Variants in HEMK2 observed in about 807,000 individuals in gnomAD.
HEMK2 encodes HemK methyltransferase 2, ETF1 glutamine and histone H4 lysine.
the HEMK2 span, among the ~76,000 whole-genome samples, chr21:28,824,061 A>C: frequency 6.6e-6 from 1 of 152,182 alleles, no homozygotes; most frequent in East Asian, 1.9e-4. Context: ...TTTGAGAACT[A>C]TTCTAGACTC....
the HEMK2 span, among the ~76,000 whole-genome samples, chr21:28,722,307 T>C: frequency 6.6e-6 from 1 of 152,110 alleles, no homozygotes; most frequent in Non-Finnish European, 1.5e-5. Context: ...AGAGATAGCA[T>C]ACAGTGAAGT....
the HEMK2 span, among the ~76,000 whole-genome samples, chr21:28,803,721 T>A: frequency 6.6e-6 from 1 of 152,236 alleles, no homozygotes; most frequent in Non-Finnish European, 1.5e-5. Flanking sequence ...TTCACCCACA[T>A]AGATTTTCTG....
the HEMK2 span, among the ~76,000 whole-genome samples, chr21:28,665,509 T>C: frequency 1.3e-5 from 2 of 150,238 alleles, no homozygotes; most frequent in Admixed American, 1.3e-4. Context: ...GATGACACGT[T>C]AGTGGGTGCA....
the HEMK2 span, among the ~76,000 whole-genome samples, chr21:28,647,937 G>A: frequency 1.0e-3 from 153 of 152,338 alleles, 2 homozygotes; most frequent in Non-Finnish European, 4.4e-5. Flanking sequence ...AAGCTGAGCT[G>A]AAGACCATTA....
At chr21:28,724,333 T>C in the HEMK2 span, among the ~76,000 whole-genome samples, 3 of 152,214 alleles carry the variant, frequency 2.0e-5, no homozygotes, top group Non-Finnish European at 4.4e-5. Context: ...CTTTATACCA[T>C]TGCTGTAAAA....
the HEMK2 span, among the ~76,000 whole-genome samples, chr21:28,765,365 C>G: frequency 1.3e-5 from 2 of 152,070 alleles, no homozygotes; most frequent in Admixed American, 6.6e-5. Flanking sequence ...TGTACAGAAA[C>G]TAATAAGTGT....
the HEMK2 span, among the ~76,000 whole-genome samples, chr21:28,625,991 A>G: frequency 6.6e-6 from 1 of 152,216 alleles, no homozygotes; most frequent in Admixed American, 6.5e-5. Flanking sequence ...GCTAAAGGCT[A>G]TTCTCCAAGC....
the HEMK2 span, among the ~76,000 whole-genome samples, chr21:28,672,925 T>C: frequency 2.8e-5 from 4 of 143,112 alleles, no homozygotes; most frequent in African/African-American, 5.2e-5. Flanking sequence ...TCCTTCTACA[T>C]GATAAACGCA....
chr21:28,775,754 TG>T, the HEMK2 span, among the ~76,000 whole-genome samples: 1 of 152,140 alleles, frequency 6.6e-6, no homozygotes, highest in Non-Finnish European at 1.5e-5. Context: ...AGTGGAGTGA[TG>T]GGTACTGAAG....
chr21:28,629,946 T>C, the HEMK2 span, among the ~76,000 whole-genome samples: 13,158 of 150,836 alleles, frequency 0.087, 903 homozygotes, highest in East Asian at 0.37. Context: ...TTTTGATATA[T>C]TATTTTATTT....
the HEMK2 span, among the ~76,000 whole-genome samples, chr21:28,667,146 GATGAAATAT>G: frequency 6.6e-6 from 1 of 152,112 alleles, no homozygotes; most frequent in Non-Finnish European, 1.5e-5. Context: ...AGTAGGTCCT[GATGAAATAT>G]ATGCTCTTAT....
At chr21:28,730,503 G>C in the HEMK2 span, among the ~76,000 whole-genome samples, 1 of 152,098 alleles carries the variant, frequency 6.6e-6, no homozygotes, top group Non-Finnish European at 1.5e-5. Flanking sequence ...TAATCAAGGT[G>C]TTGGCCAGGC....
At chr21:28,841,201 TATATA>T in the HEMK2 span, among the ~76,000 whole-genome samples, 2 of 20,166 alleles carry the variant, frequency 9.9e-5, no homozygotes, top group South Asian at 1.5e-3. Flanking sequence ...ATATATATAT[TATATA>T]ATATATTATA....
the HEMK2 span, among the ~76,000 whole-genome samples, chr21:28,680,307 T>C: frequency 6.6e-6 from 1 of 152,054 alleles, no homozygotes; most frequent in East Asian, 1.9e-4. Context: ...CTAGAAGAAA[T>C]GGATAAATTC....
At chr21:28,823,593 T>C in the HEMK2 span, among the ~76,000 whole-genome samples, 336 of 152,250 alleles carry the variant, frequency 2.2e-3, 1 homozygote, top group African/African-American at 7.8e-3. Flanking sequence ...CTTCCTACTG[T>C]TGGGGCATTT....
chr21:28,864,913 T>TAGATAGATAGATAG, the HEMK2 span, among the ~76,000 whole-genome samples: 3 of 144,080 alleles, frequency 2.1e-5, no homozygotes, highest in African/African-American at 5.4e-5. Flanking sequence ...AGATAGATGA[T>TAGATAGATAGATAG]ATAGATAGAT....
chr21:28,802,002 T>C, the HEMK2 span, among the ~76,000 whole-genome samples: 1 of 152,200 alleles, frequency 6.6e-6, no homozygotes, highest in African/African-American at 2.4e-5. Context: ...TATATAAGCT[T>C]TGGCTAAGCA....
At chr21:28,869,694 G>A in the HEMK2 span, among the ~76,000 whole-genome samples, 6 of 152,166 alleles carry the variant, frequency 3.9e-5, no homozygotes, top group Non-Finnish European at 5.9e-5. Flanking sequence ...ACAAAACAGA[G>A]GGATCCTCAG....
chr21:28,882,618 A>AC, the HEMK2 span, among the ~76,000 whole-genome samples: 2 of 151,906 alleles, frequency 1.3e-5, no homozygotes, highest in Non-Finnish European at 2.9e-5. Flanking sequence ...GAAATGAAAA[A>AC]AAACAGAAGG....
Sources: allele counts gnomAD v4.1 joint callset (sites outside exome capture counted in the v4.1 genomes callset), GRCh38; gene constraint gnomAD v4.1.1; transcripts MANE v1.5; gene names NCBI Gene and HGNC (gene_info 2026-07-23, HGNC 2026-07-21).